Variants in PKHD1L1 observed in about 807,000 individuals in gnomAD.
PKHD1L1 encodes PKHD1 like 1.
PKHD1L1 carries 434 observed loss-of-function variants against 462.9 expected under a neutral mutation model. The observed-to-expected ratio is 0.94, with a 90% CI of 0.87 to 1.02. The LOEUF (loss-of-function observed/expected upper bound fraction) is 1.02, where lower values mean the gene tolerates loss of function less well. PKHD1L1 is among the 50% of genes least tolerant of loss of function. PKHD1L1 has a pLI of 0.00. For missense variants in PKHD1L1, 5,202 were observed against 5,096.1 expected (o/e 1.02, Z -0.63); for synonymous variants, 1,781 against 1,750.0 (o/e 1.02, Z -0.44).
intron 35 of PKHD1L1, among the ~76,000 whole-genome samples, chr8:109,442,639 C>T (rs1437242632): frequency 6.6e-6 from 1 of 151,622 alleles, no homozygotes; most frequent in Non-Finnish European, 1.5e-5. Flanking sequence ...CTTTCACTCA[C>T]GAAAAAAAAA....
At position 109,459,593 on chromosome 8, in the gene PKHD1L1, AG is replaced by A; in HGVS notation, c.7005-1del. 1 of 1,498,310 alleles carries A rather than the reference AG, an allele frequency of 6.7e-7. No individual in the cohort carries two copies. The highest frequency in any genetic ancestry group is 8.9e-7 in the Non-Finnish European group (1 of 1,123,594). The allele number at this position is 1,498,310 out of a possible 1,614,324, so 92.8% of individuals were successfully genotyped here. A position where few individuals can be genotyped will look rare whatever the true frequency, so the allele number is the denominator to read the frequency against. On this transcript the variant is annotated splice_acceptor_variant, in intron 46 of 77. Coordinates refer to ENST00000378402, the MANE Select transcript of PKHD1L1 (RefSeq NM_177531.6). LOFTEE classifies it high-confidence loss of function. ...AAAATTTTTTTGTCAAAATTTTTAC[AG>A]ACACAGTCAAGGAGAGAATGAAAAA... is the stretch of plus-strand genomic sequence containing the variant.
At chr8:109,395,008 T>C (rs1812899160) in intron 10 of PKHD1L1, among the ~76,000 whole-genome samples, 1 of 152,220 alleles carries the variant, frequency 6.6e-6, no homozygotes, top group South Asian at 2.1e-4. Flanking sequence ...TACAGGTTGT[T>C]TACCCTCATC....
At position 109,405,249 on chromosome 8, in the gene PKHD1L1, A is replaced by G. The variant is rs1813475583; in HGVS notation, c.1669+119A>G. ...ATATAGTTTTGATGATATGCTAGAC[A>G]AAGAAGCAGAAAAATGTATTATGGA... On this transcript the variant is annotated intron_variant, in intron 16 of 77. Transcript: ENST00000378402. The G allele has an allele frequency of 5.1e-6, 3 of 586,810 alleles. No individual in the cohort carries two copies. The Admixed American group carries it at 1.3e-4, about 25-fold the overall frequency. The allele number at this position is 586,810 out of a possible 1,614,324, so 36.4% of individuals were successfully genotyped here. A position where few individuals can be genotyped will look rare whatever the true frequency, so the allele number is the denominator to read the frequency against.
At chr8:109,394,208 T>G (rs1326671900) in intron 9 of PKHD1L1, among the ~76,000 whole-genome samples, 1 of 150,784 alleles carries the variant, frequency 6.6e-6, no homozygotes, top group African/African-American at 2.4e-5. Flanking sequence ...GAAATCAACT[T>G]TATTGAGATA....
At chr8:109,389,970 CT>C (rs530186549) in intron 8 of PKHD1L1, among the ~76,000 whole-genome samples, 2,098 of 147,856 alleles carry the variant, frequency 0.014, 16 homozygotes, top group Middle Eastern at 0.024. Context: ...GCTCATACTA[CT>C]TTTTTTTTTT....
intron 7 of PKHD1L1, 109 bp downstream of exon 7, chr8:109,388,659 A>G: frequency 1.3e-6 from 1 of 760,478 alleles, no homozygotes; most frequent in Non-Finnish European, 2.1e-6. Context: ...TTTATAATAC[A>G]GTATAAATTA....
chr8:109,373,698 T>G (rs773944438), intron 2 of PKHD1L1, among the ~76,000 whole-genome samples: 23 of 152,236 alleles, frequency 1.5e-4, no homozygotes, highest in Non-Finnish European at 2.9e-4. Flanking sequence ...GATTCTGGTA[T>G]GTTGTGTCTT....
chr8:109,469,523 A>G (rs1477458847), intron 50 of PKHD1L1, among the ~76,000 whole-genome samples: 1 of 152,180 alleles, frequency 6.6e-6, no homozygotes, highest in East Asian at 1.9e-4. Flanking sequence ...AGAAGCTAGA[A>G]GGCAAAGGAG....
At chr8:109,406,545 T>A in intron 17 of PKHD1L1, 67 bp downstream of exon 17, 1 of 1,429,798 alleles carries the variant, frequency 7.0e-7, no homozygotes, top group South Asian at 1.5e-5. Context: ...CTCTAAAAGT[T>A]CCATAAGATG....
In PKHD1L1 at chr8:109,487,940, GGAAA is replaced by G. The variant is rs1219761400; in HGVS notation, c.9880+1123_9880+1126del. 2.9e-3 allele frequency among the ~76,000 whole-genome samples: 433 copies of G among 149,580 alleles called. 1 individual carries two copies. Among genetic ancestry groups the G allele is most frequent in the South Asian group, 5.3e-3 (25 of 4,702 alleles). On this transcript the variant is annotated intron_variant, in intron 59 of 77. Transcript: ENST00000378402. ...AGGAAGGAAGGAAGGAAGGAAGGAA[GGAAA>G]GAAGGAAGGAAGGAAGGAAGGGAGA...
rs1821127768 is a variant in PKHD1L1, at chr8:109,535,568, G to A, written c.*5478G>A. ...ATGTCTTAAAGGGCATGGGTGGTTA[G>A]AGGGAGATCCCCAAACAAACAATTC... On this transcript the variant is annotated 3_prime_UTR_variant, in exon 78 of 78. Transcript: ENST00000378402. Among the ~76,000 whole-genome samples, 1 of 152,176 alleles carries A rather than the reference G, an allele frequency of 6.6e-6. No individual in the cohort carries two copies. The highest frequency in any genetic ancestry group is 2.4e-5 in the African/African-American group (1 of 41,454).
intron 17 of PKHD1L1, among the ~76,000 whole-genome samples, chr8:109,407,113 G>A (rs1179039663): frequency 6.6e-6 from 1 of 151,894 alleles, no homozygotes; most frequent in Non-Finnish European, 1.5e-5. Flanking sequence ...TTGGCTTTTT[G>A]GTATATTTAG....
At chr8:109,444,488 T>C (rs1816002072) in intron 37 of PKHD1L1, among the ~76,000 whole-genome samples, 173 bp from the exon 38 acceptor site, 1 of 152,222 alleles carries the variant, frequency 6.6e-6, no homozygotes, top group Non-Finnish European at 1.5e-5. Flanking sequence ...GTAAAAATCA[T>C]AATTTAATCC....
rs71303459 is a variant in PKHD1L1 at position 109,410,726 on chromosome 8, C to CTTTTTTTTTTTTTTTTTTTTTTTTTTTT, written c.2085+769_2085+770insTTTTTTTTTTTTTTTTTTTTTTTTTTTT. Among the ~76,000 whole-genome samples the CTTTTTTTTTTTTTTTTTTTTTTTTTTTT allele has an allele frequency of 8.2e-4, 56 of 68,386 alleles. 13 individuals carry two copies. Among genetic ancestry groups the CTTTTTTTTTTTTTTTTTTTTTTTTTTTT allele is most frequent in the African/African-American group, 4.2e-3 (51 of 12,262 alleles). 44.9% of individuals were successfully genotyped at this position (68,386 alleles called of 152,430 possible). A position where few individuals can be genotyped will look rare whatever the true frequency, so the allele number is the denominator to read the frequency against. On this transcript the variant is annotated intron_variant, in intron 19 of 77. Transcript: ENST00000378402. ...TTCTTTTTTCTTTTCTTTTCTTTTT[C>CTTTTTTTTTTTTTTTTTTTTTTTTTTTT]TTTTTTTTTTTTTTTTTTTTTGAGA...
intron 2 of PKHD1L1, among the ~76,000 whole-genome samples, chr8:109,371,377 T>G (rs932627817): frequency 1.5e-4 from 23 of 152,028 alleles, no homozygotes; most frequent in Non-Finnish European, 2.4e-4. Context: ...TAAATTTGTT[T>G]GAGTTCATTG....
chr8:109,407,266 G>A (rs1232178912), intron 17 of PKHD1L1, among the ~76,000 whole-genome samples: 2 of 152,098 alleles, frequency 1.3e-5, no homozygotes, highest in African/African-American at 4.8e-5. Context: ...GGAGGATAAA[G>A]AATTTGATTT....
intron 35 of PKHD1L1, 99 bp downstream of exon 35, chr8:109,442,294 AAT>A (rs10586369): frequency 0.19 from 209,723 of 1,118,312 alleles, 22,181 homozygotes; most frequent in South Asian, 0.28. Context: ...TTACATAAAT[AAT>A]ATACACAAAT....
In PKHD1L1 at chr8:109,491,058, A is replaced by T; in HGVS notation, c.10071A>T (p.Gly3357=). The change falls in exon 61 of 78, where the codon GGA becomes GGT. Residue 3357 remains glycine, a synonymous_variant. Transcript: ENST00000378402. ...CAATTGGTGTATTTGGGACAGATGGATTGGACATAGATGACAACATCATTC... is the reference window on the plus strand; with the variant it reads ...CAATTGGTGTATTTGGGACAGATGGTTTGGACATAGATGACAACATCATTC... The part of the protein sequence containing the change: ...SPAIGVFGTD[G]LDIDDNIIHF... The T allele has an allele frequency of 6.2e-7, 1 of 1,610,006 alleles. No homozygotes were observed.
At position 109,476,631 on chromosome 8, in the gene PKHD1L1, C is replaced by A. The variant is rs1364168547; in HGVS notation, c.8881C>A (p.His2961Asn). The change falls in exon 52 of 78, where the codon CAC becomes AAC. Residue 2961 changes from histidine to asparagine, a missense_variant. Physicochemically the swap from His to Asn is moderately conservative, Grantham distance 68. Transcript: ENST00000378402. ...GAATACTAGCAAGAATGGGGACTGGCACCTTGAAGCAAACACTAGTACTCT... is the reference window on the plus strand; with the variant it reads ...GAATACTAGCAAGAATGGGGACTGGAACCTTGAAGCAAACACTAGTACTCT... ...NWNTSKNGDW[H>N]LEANTSTLYY... The A allele has an allele frequency of 3.1e-6, 5 of 1,599,856 alleles. No individual in the cohort carries two copies. The highest frequency in any genetic ancestry group is 4.3e-6 in the Non-Finnish European group (5 of 1,172,242).
Sources: gnomAD v4.1 joint callset for allele counts (sites outside exome capture counted in the v4.1 genomes callset) on GRCh38, gnomAD v4.1.1 for gene constraint, MANE v1.5 for transcripts, NCBI Gene and HGNC (gene_info 2026-07-23, HGNC 2026-07-21) for gene names.